Variants in ACAA1 observed in about 807,000 individuals in gnomAD.
ACAA1 encodes the protein acetyl-CoA acyltransferase 1.
In ACAA1, 44 loss-of-function variants were observed where a neutral mutation model predicts 48.8. That is an observed-to-expected ratio of 0.90 (90% CI 0.71 to 1.16). The LOEUF (loss-of-function observed/expected upper bound fraction) is 1.16. Ranked by LOEUF, ACAA1 falls within the 50% of genes most tolerant of loss-of-function variation. The probability of loss-of-function intolerance (pLI) is 0.00; values close to 1 mark genes in which losing one functional copy is unlikely to be tolerated. For missense variants in ACAA1, 512 were observed against 562.3 expected (o/e 0.91, Z 0.90); for synonymous variants, 233 against 226.5 (o/e 1.03, Z -0.26).
chr3:38,133,898 G>A (rs1435873945), intron 3 of ACAA1, 54 bp downstream of exon 3: 8 of 1,582,834 alleles, frequency 5.1e-6, no homozygotes, highest in Non-Finnish European at 8.7e-7. Context: ...CTGGGGCCTG[G>A]GCCCAGTAAA....
rs140435043 is a variant in ACAA1 at position 38,126,582 on chromosome 3, G to A, written c.745C>T (p.Arg249Cys). The A allele has an allele frequency of 3.9e-5, 63 of 1,614,152 alleles. No individual in the cohort carries two copies. In the East Asian group the frequency reaches 8.2e-4, roughly 21 times the overall value. The change falls in exon 8 of 12, where the codon CGC becomes TGC. Residue 249 changes from arginine to cysteine, a missense_variant. Transcript: ENST00000333167. This position sits in a 1 kb window ranked among gnomAD's most constrained non-coding sequence, Gnocchi z 4.7. ...SITVTQDEGI[R>C]PSTTMEGLAK... ...AGGCCCTCCATGGTGGTGCTGGGGC[G>A]GATACCCTCATCCTGGGTCACAGTG... is the stretch of plus-strand genomic sequence containing the variant.
At chr3:38,127,479 T>A (rs1380466621) in intron 7 of ACAA1, among the ~76,000 whole-genome samples, 3 of 152,094 alleles carry the variant, frequency 2.0e-5, no homozygotes, top group African/African-American at 7.2e-5. Context: ...TCCCTAACAT[T>A]GCTGGCCCCA....
intron 5 of ACAA1, among the ~76,000 whole-genome samples, chr3:38,130,983 C>A (rs116544863): frequency 6.6e-6 from 1 of 152,234 alleles, no homozygotes; most frequent in Non-Finnish European, 1.5e-5. Flanking sequence ...CAAGCCTGGG[C>A]ACCTGTGCCC....
Position 38,136,899 on chromosome 3 carries a change from G to T in ACAA1, c.137C>A (p.Thr46Lys), listed in dbSNP as rs772795388. Residue 46 changes from threonine to lysine, a missense_variant, in exon 1 of 12, where the codon ACG (threonine) becomes AAG (lysine). Coordinates refer to ENST00000333167, the MANE Select transcript of ACAA1 (RefSeq NM_001607.4). The stretch of plus-strand genomic sequence containing the variant: ...GCCGCGGCCCGCCCGGCAGATGGCC[G>T]TGCGCCGCCCGTGCACCACCACCAC... ...ADVVVVHGRR[T>K]AICRAGRGGF... 6.5e-7 allele frequency: 1 copy of T among 1,533,200 alleles called. No individual in the cohort carries two copies. The highest frequency in any genetic ancestry group is 8.7e-7 in the Non-Finnish European group (1 of 1,143,882). The allele number at this position is 1,533,200 out of a possible 1,614,324, so 95.0% of individuals were successfully genotyped here.
rs1343907549 is a variant in ACAA1 at position 38,136,910 on chromosome 3, G to A, written c.126C>T (p.His42=). 3.6e-5 allele frequency: 55 copies of A among 1,535,964 alleles called. No homozygotes were observed. The highest frequency in any genetic ancestry group is 2.2e-4 in the Middle Eastern group (1 of 4,626). ...QASAADVVVV[H]GRRTAICRAG... ...CCCGGCAGATGGCCGTGCGCCGCCC[G>A]TGCACCACCACCACGTCCGCGGCCG... Residue 42 remains histidine, a synonymous_variant, in exon 1 of 12, where the codon CAC becomes CAT. Coordinates refer to ENST00000333167, the MANE Select transcript of ACAA1 (RefSeq NM_001607.4).
rs151138541 is a variant in ACAA1 at position 38,125,852 on chromosome 3, C to T, written c.1027G>A (p.Glu343Lys). 41 of 1,614,034 alleles carry T rather than the reference C, an allele frequency of 2.5e-5. No individual in the cohort carries two copies. Among genetic ancestry groups the T allele is most frequent in the Non-Finnish European group, 3.1e-5 (37 of 1,180,034 alleles). The change falls in exon 10 of 12, where the codon GAG (glutamate) becomes AAG (lysine). Residue 343 changes from glutamate (E) to lysine (K), a missense_variant. Coordinates refer to ENST00000333167, the MANE Select transcript of ACAA1 (RefSeq NM_001607.4). ...TGGCTTGCAAAGGCCTCATTGATCT[C>T]GAAGATGTCCACGTCACTCACTGTC... ...GLTVSDVDIF[E>K]INEAFASQAA... is the part of the protein sequence containing the mutation.
chr3:38,132,836 G>T (rs1700815472), intron 3 of ACAA1, among the ~76,000 whole-genome samples: 1 of 152,124 alleles, frequency 6.6e-6, no homozygotes, highest in Non-Finnish European at 1.5e-5. Flanking sequence ...CAGCCTGTTT[G>T]ACCCTTCCAG....
chr3:38,127,503 A>C (rs1044194307), intron 7 of ACAA1: 1 of 486,376 alleles, frequency 2.1e-6, no homozygotes, highest in Non-Finnish European at 3.8e-6. Context: ...TCCAGGCTAC[A>C]ATGTCCAGTC....
chr3:38,123,198 C>T lies in ACAA1; in HGVS notation c.1200-76G>A, dbSNP rs1476312194. The T allele has an allele frequency of 9.9e-6, 14 of 1,418,904 alleles. No homozygotes were observed. The African/African-American group carries it at 1.1e-4, about 11-fold the overall frequency. 87.9% of individuals were successfully genotyped at this position (1,418,904 alleles called of 1,614,324 possible). ...TCCAGACCAGGCTGACCCAGAAGGA[C>T]GTCATGGACAAGTAGGATGCAAAAC... On this transcript the variant is annotated intron_variant, in intron 11 of 11. Coordinates refer to ENST00000333167, the MANE Select transcript of ACAA1 (RefSeq NM_001607.4).
intron 7 of ACAA1, among the ~76,000 whole-genome samples, chr3:38,127,009 T>A (rs571429502): frequency 6.6e-6 from 1 of 152,366 alleles, no homozygotes; most frequent in Non-Finnish European, 1.5e-5. Flanking sequence ...AAACTGAGGA[T>A]GGAACCCCAG....
rs1347863569 is a variant in ACAA1, at chr3:38,126,627, T to C, written c.700A>G (p.Lys234Glu). The C allele has an allele frequency of 6.2e-7, 1 of 1,614,190 alleles. No individual in the cohort carries two copies. Among genetic ancestry groups the C allele is most frequent in the Non-Finnish European group, 8.5e-7 (1 of 1,180,008 alleles). ...VPVTTTVHDD[K>E]GTKRSITVTQ... ...ACAGTGATGCTCCTCTTGGTGCCCTTGTCATCATGGACCGTGGTGGTCACA... is the reference window on the plus strand; with the variant it reads ...ACAGTGATGCTCCTCTTGGTGCCCTCGTCATCATGGACCGTGGTGGTCACA... The change falls in exon 8 of 12, where the codon AAG becomes GAG. Residue 234 changes from lysine (K) to glutamate (E), a missense_variant. Transcript: ENST00000333167. The surrounding 1 kb of genome is among the most constrained non-coding windows in gnomAD (Gnocchi z 4.7).
chr3:38,125,668 C>T lies in ACAA1; in HGVS notation c.1096G>A (p.Val366Met), dbSNP rs1553626595. ...GCCACTGCACCCCCCAGGGGGTTCA[C>T]CTTCTCAGGGGGGAGTCGTAGCTTC... Reference protein sequence around the residue: ...VEKLRLPPEKVNPLGGAVALG... With the variant: ...VEKLRLPPEKMNPLGGAVALG... Residue 366 changes from valine (V) to methionine (M), a missense_variant, in exon 11 of 12, where the codon GTG becomes ATG. Transcript: ENST00000333167. 7 of 1,599,040 alleles carry T rather than the reference C, an allele frequency of 4.4e-6. No individual in the cohort carries two copies. Among genetic ancestry groups the T allele is most frequent in the Non-Finnish European group, 6.0e-6 (7 of 1,171,378 alleles).
chr3:38,125,893 G>C lies in ACAA1; in HGVS notation c.998-12C>G. The C allele has an allele frequency of 6.2e-7, 1 of 1,614,128 alleles. No individual in the cohort carries two copies. Among genetic ancestry groups the C allele is most frequent in the Non-Finnish European group, 8.5e-7 (1 of 1,180,030 alleles). Reference sequence around the variant, plus strand: ...ACTCACTGTCAGCCCTGCAGACAAGGTAAAGACCTGAGCTGACACACTGGC... The same window carrying C: ...ACTCACTGTCAGCCCTGCAGACAAGCTAAAGACCTGAGCTGACACACTGGC... On this transcript the variant is annotated splice_polypyrimidine_tract_variant and intron_variant, in intron 9 of 11. Coordinates refer to ENST00000333167, the MANE Select transcript of ACAA1 (RefSeq NM_001607.4).
At chr3:38,125,277 A>G in intron 11 of ACAA1, 1 of 292,270 alleles carries the variant, frequency 3.4e-6, no homozygotes, top group South Asian at 1.6e-4. Flanking sequence ...GATTTTAGAC[A>G]GTAAGGATTT....
chr3:38,128,013 G>A (rs2125766313), intron 6 of ACAA1, 147 bp from the exon 7 acceptor site: 1 of 735,034 alleles, frequency 1.4e-6, no homozygotes, highest in Admixed American at 2.1e-5. Flanking sequence ...AGACAGTAGT[G>A]ATGACTCAGG....
At chr3:38,132,694 G>C (rs1700812345) in intron 3 of ACAA1, 1 of 152,190 alleles carries the variant, frequency 6.6e-6, no homozygotes, top group Non-Finnish European at 1.5e-5. Flanking sequence ...GACCTCCTCA[G>C]ACCCACAGAC....
chr3:38,129,373 G>C lies in ACAA1; in HGVS notation c.462C>G (p.Ser154=). 1 of 1,614,000 alleles carries C rather than the reference G, an allele frequency of 6.2e-7. No individual in the cohort carries two copies. Among genetic ancestry groups the C allele is most frequent in the Non-Finnish European group, 8.5e-7 (1 of 1,179,910 alleles). ...TTCCAGGGTTCCCTCTGTCAGCCAG[G>C]GACATGGACTCCACCCTGGGGAGGA... ...IGMACGVESM[S]LADRGNPGNI... The change falls in exon 6 of 12, where the codon TCC becomes TCG. Residue 154 remains serine (S), a synonymous_variant. Coordinates refer to ENST00000333167, the MANE Select transcript of ACAA1 (RefSeq NM_001607.4). This position sits in a 1 kb window ranked among gnomAD's most constrained non-coding sequence, Gnocchi z 5.3.
At chr3:38,125,342 G>A (rs1700652971) in intron 11 of ACAA1, 1 of 417,948 alleles carries the variant, frequency 2.4e-6, no homozygotes, top group South Asian at 1.1e-4. Flanking sequence ...GTAGAACATG[G>A]AGTTTGATCT....
intron 3 of ACAA1, chr3:38,132,401 T>C: frequency 6.0e-6 from 1 of 166,666 alleles, no homozygotes; most frequent in South Asian, 1.5e-4. Context: ...GAACTGCTGC[T>C]GGGACAGAGC....
Sources: gnomAD v4.1 joint callset for allele counts (sites outside exome capture counted in the v4.1 genomes callset) on GRCh38, gnomAD v4.1.1 for gene constraint, Gnocchi (gnomAD v3.1) non-coding constraint, MANE v1.5 for transcripts, NCBI Gene and HGNC (gene_info 2026-07-23, HGNC 2026-07-21) for gene names.